Variants in SGCD observed in about 807,000 individuals in gnomAD.
SGCD encodes the protein delta-sarcoglycan.
In SGCD, 18 loss-of-function variants were observed where a neutral mutation model predicts 36.6. That is an observed-to-expected ratio of 0.49 (90% confidence interval 0.34 to 0.73). SGCD has a LOEUF of 0.73. SGCD is among the 30% of genes least tolerant of loss of function. SGCD has a pLI of 0.01. For missense variants in SGCD, 387 were observed against 346.7 expected (o/e 1.12, Z -0.92); for synonymous variants, 133 against 130.6 (o/e 1.02, Z -0.12).
At chr5:156,487,355 A>C (rs1170054149) in intron 3 of SGCD, among the ~76,000 whole-genome samples, 1 of 152,206 alleles carries the variant, frequency 6.6e-6, no homozygotes, top group Admixed American at 6.5e-5. Flanking sequence ...AGAGGAAAAA[A>C]TCTTTCCCTA....
intron 3 of SGCD, among the ~76,000 whole-genome samples, chr5:156,349,398 GAAA>G (rs147107831): frequency 1.3e-4 from 20 of 148,194 alleles, no homozygotes. Flanking sequence ...CTCTAAACAA[GAAA>G]AAAAAACAGG....
chr5:156,625,335 A>C (rs1296951889), intron 6 of SGCD, among the ~76,000 whole-genome samples: 2 of 152,158 alleles, frequency 1.3e-5, no homozygotes, highest in Non-Finnish European at 2.9e-5. Flanking sequence ...AGCTAATTAG[A>C]TACAGTTGCC....
At chr5:156,433,529 G>A (rs1308630858) in intron 3 of SGCD, among the ~76,000 whole-genome samples, 5 of 152,100 alleles carry the variant, frequency 3.3e-5, no homozygotes, top group Admixed American at 2.0e-4. Flanking sequence ...TTGTGCCTCC[G>A]CCTTCTTGTT....
At chr5:156,422,577 A>G (rs1302239427) in intron 3 of SGCD, among the ~76,000 whole-genome samples, 1 of 152,012 alleles carries the variant, frequency 6.6e-6, no homozygotes, top group African/African-American at 2.4e-5. Context: ...ATAACCTACT[A>G]TGTTCTAGAA....
chr5:155,925,697 C>A lies in SGCD; in HGVS notation c.-282+55273C>A, dbSNP rs1203851069. 3.3e-5 allele frequency among the ~76,000 whole-genome samples: 5 copies of A among 152,138 alleles called. No individual in the cohort carries two copies. The South Asian group carries it at 1.0e-3, about 31-fold the overall frequency. On this transcript the variant is annotated intron_variant, in intron 1 of 9. Coordinates refer to the SGCD transcript ENST00000517913. The stretch of plus-strand genomic sequence containing the variant: ...GTGGTATAATCACAGCTTACTGCAG[C>A]CTCAAACTCCTTGGCTCAAGGGATC...
intron 4 of SGCD, among the ~76,000 whole-genome samples, chr5:156,510,930 G>A (rs1393566320): frequency 3.3e-5 from 5 of 152,182 alleles, no homozygotes; most frequent in African/African-American, 9.7e-5. Context: ...TCTGTATGCA[G>A]GAATTGGATG....
At chr5:155,904,454 C>T (rs1278508449) in intron 1 of SGCD, among the ~76,000 whole-genome samples, 1 of 152,194 alleles carries the variant, frequency 6.6e-6, no homozygotes, top group African/African-American at 2.4e-5. Flanking sequence ...CAATAACTTC[C>T]TTCTAATGGT....
rs186898882 is a variant in SGCD at position 156,016,417 on chromosome 5, G to T, written c.-281-101461G>T. On this transcript the variant is annotated intron_variant, in intron 1 of 9. Coordinates refer to the SGCD transcript ENST00000517913. ...TTAATTTAAATAATTTAATTGTTTT[G>T]GCATACATAGAATATTAACAAGATT... Among the ~76,000 whole-genome samples the T allele has an allele frequency of 1.7e-3, 261 of 151,888 alleles. 1 individual carries two copies. Among genetic ancestry groups the T allele is most frequent in the Middle Eastern group, 3.4e-3 (1 of 294 alleles).
chr5:155,759,830 A>G, the SGCD span, among the ~76,000 whole-genome samples: 1 of 152,140 alleles, frequency 6.6e-6, no homozygotes, highest in Non-Finnish European at 1.5e-5. Flanking sequence ...AGTTACTATC[A>G]CATACTTCTC....
At chr5:156,563,798 T>C (rs1285357713) in intron 4 of SGCD, among the ~76,000 whole-genome samples, 1 of 152,222 alleles carries the variant, frequency 6.6e-6, no homozygotes, top group Non-Finnish European at 1.5e-5. Context: ...TCAGTCTCTT[T>C]CCTACCTGGA....
chr5:155,766,588 A>G, the SGCD span, among the ~76,000 whole-genome samples: 3 of 152,160 alleles, frequency 2.0e-5, no homozygotes, highest in Admixed American at 6.5e-5. Flanking sequence ...CACAAAGCAG[A>G]TTTTAGGGGT....
intron 1 of SGCD, among the ~76,000 whole-genome samples, chr5:156,006,556 C>T (rs1267902330): frequency 6.6e-6 from 1 of 152,002 alleles, no homozygotes; most frequent in East Asian, 1.9e-4. Context: ...AGCTGAGAGC[C>T]GGAAAATATT....
At chr5:156,544,527 C>T (rs953591815) in intron 4 of SGCD, among the ~76,000 whole-genome samples, 2 of 151,584 alleles carry the variant, frequency 1.3e-5, no homozygotes, top group African/African-American at 2.4e-5. Flanking sequence ...CAGCAGCAAA[C>T]AGACTAGTGG....
At chr5:155,829,791 T>C in the SGCD span, among the ~76,000 whole-genome samples, 1 of 151,966 alleles carries the variant, frequency 6.6e-6, no homozygotes, top group Non-Finnish European at 1.5e-5. Context: ...TTTGTGGGTA[T>C]AGTTTCATAC....
chr5:156,501,896 C>T (rs772518180), intron 3 of SGCD, among the ~76,000 whole-genome samples: 13 of 152,290 alleles, frequency 8.5e-5, no homozygotes, highest in South Asian at 2.1e-4. Flanking sequence ...CTCATTCAGT[C>T]AAGACCTGCT....
rs546743284 is a variant in SGCD at position 156,377,876 on chromosome 5, G to C, written c.192+33199G>C. Among the ~76,000 whole-genome samples the C allele has an allele frequency of 2.0e-5, 3 of 152,266 alleles. No homozygotes were observed. In the South Asian group the frequency reaches 6.2e-4, roughly 32 times the overall value. On this transcript the variant is annotated intron_variant, in intron 3 of 8. Transcript: ENST00000337851. ...ATCTCTGGTATGAGAAAAACTCAAG[G>C]TCTATGGATTGTGTTTGTTATCCAT...
In SGCD at chr5:156,059,147, T is replaced by C. The variant is rs1420689702; in HGVS notation, c.-281-58731T>C. Among the ~76,000 whole-genome samples the C allele has an allele frequency of 1.0e-4, 15 of 145,458 alleles. 5 individuals carry two copies. ...TTTTGGTTTTTGATTTCTGGGAGTTTTTGAGGGCAGTTCTGTTGATTAAAT... is the reference window on the plus strand; with the variant it reads ...TTTTGGTTTTTGATTTCTGGGAGTTCTTGAGGGCAGTTCTGTTGATTAAAT... On this transcript the variant is annotated intron_variant, in intron 1 of 9. Transcript: ENST00000517913.
intron 3 of SGCD, among the ~76,000 whole-genome samples, chr5:156,445,309 C>T (rs1753714740): frequency 6.6e-6 from 1 of 151,986 alleles, no homozygotes; most frequent in South Asian, 2.1e-4. Context: ...CTATAGGTAG[C>T]CAGAATTATT....
At chr5:156,056,645 T>TAAAAAAAAAAAAAAAAAAAAAAAA (rs561328077) in intron 1 of SGCD, among the ~76,000 whole-genome samples, 4 of 68,274 alleles carry the variant, frequency 5.9e-5, no homozygotes, top group East Asian at 6.4e-4. Context: ...AAATTATCCT[T>TAAAAAAAAAAAAAAAAAAAAAAAA]AAAAAAAAAA....
Sources: allele counts gnomAD v4.1 joint callset (sites outside exome capture counted in the v4.1 genomes callset), GRCh38; gene constraint gnomAD v4.1.1; transcripts MANE v1.5; gene names NCBI Gene and HGNC (gene_info 2026-07-23, HGNC 2026-07-21).